MAML3: variants seen among roughly 807,000 people sequenced by gnomAD.
MAML3 encodes the protein mastermind like transcriptional coactivator 3, also known as mastermind-like protein 3.
In MAML3, 27 loss-of-function variants were observed where a neutral mutation model predicts 101.9. The ratio of observed to expected loss-of-function variants is 0.27; its 90% confidence interval spans 0.20 to 0.37. MAML3 has a LOEUF of 0.37. MAML3 is among the 10% of genes least tolerant of loss of function. MAML3 has a pLI of 1.00. For missense variants in MAML3, 1,316 were observed against 1,444.9 expected (o/e 0.91, Z 1.45); for synonymous variants, 501 against 555.9 (o/e 0.90, Z 1.39).
chr4:140,026,050 G>A (rs762590516), intron 1 of MAML3, among the ~76,000 whole-genome samples: 2 of 152,098 alleles, frequency 1.3e-5, no homozygotes, highest in African/African-American at 2.4e-5. Context: ...TATTCCAGGT[G>A]TGCTTAACAT....
intron 2 of MAML3, among the ~76,000 whole-genome samples, chr4:139,863,345 T>TG (rs1249223096): frequency 7.6e-6 from 1 of 131,910 alleles, no homozygotes; most frequent in Middle Eastern, 3.8e-3. Flanking sequence ...CCTGTGCCCT[T>TG]TTTTTTTTTT....
chr4:139,884,299 A>G (rs900279905), intron 2 of MAML3, among the ~76,000 whole-genome samples: 1 of 152,222 alleles, frequency 6.6e-6, no homozygotes, highest in African/African-American at 2.4e-5. Flanking sequence ...AATATACCAC[A>G]CAGGGCATTC....
At chr4:139,942,008 G>A (rs1202185911) in intron 1 of MAML3, among the ~76,000 whole-genome samples, 6 of 152,042 alleles carry the variant, frequency 3.9e-5, no homozygotes, top group Admixed American at 3.3e-4. Context: ...GGTGGCAGGC[G>A]CCTGTGATCC....
At chr4:139,931,660 T>TGC (rs1171477646) in intron 1 of MAML3, among the ~76,000 whole-genome samples, 1 of 152,054 alleles carries the variant, frequency 6.6e-6, no homozygotes, top group Non-Finnish European at 1.5e-5. Context: ...AATCCTCCTG[T>TGC]GCAGTCTCCT....
rs558838196 is a variant in MAML3, at chr4:139,889,885, A to G, written c.1551T>C (p.Asn517=). The change falls in exon 2 of 5, where the codon AAT becomes AAC. Residue 517 remains asparagine, a synonymous_variant. Transcript: ENST00000509479. The stretch of plus-strand genomic sequence containing the variant: ...TAGAGGGAGGTCCTAAGGGAGACCA[A>G]TTTGAAGTCTGATTTGAGTGCTGTT... ...QQQQHSNQTS[N]WSPLGPPSSP... The G allele has an allele frequency of 1.9e-5, 30 of 1,612,432 alleles. 2 individuals carry two copies. In the Middle Eastern group the frequency reaches 5.0e-4, roughly 27 times the overall value.
At chr4:139,915,693 C>CG (rs561494245) in intron 1 of MAML3, among the ~76,000 whole-genome samples, 86 of 151,978 alleles carry the variant, frequency 5.7e-4, no homozygotes, top group East Asian at 2.9e-3. Context: ...GCAGCATTGG[C>CG]GGGGGGGCGG....
intron 2 of MAML3, among the ~76,000 whole-genome samples, chr4:139,749,051 A>T (rs1324927315): frequency 6.6e-6 from 1 of 152,198 alleles, no homozygotes; most frequent in Non-Finnish European, 1.5e-5. Context: ...CCAACTAAAA[A>T]CAATCCAAAA....
chr4:140,119,012 TAGTA>T (rs1220544241), intron 1 of MAML3, among the ~76,000 whole-genome samples: 1 of 152,190 alleles, frequency 6.6e-6, no homozygotes, highest in Non-Finnish European at 1.5e-5. Context: ...AGGGGAATGG[TAGTA>T]AGCAGCAGCT....
At position 139,889,440 on chromosome 4, in the gene MAML3, C is replaced by G; in HGVS notation, c.1996G>C (p.Asp666His). The change falls in exon 2 of 5, where the codon GAC becomes CAC. Residue 666 changes from aspartate (D) to histidine (H), a missense_variant. Coordinates refer to ENST00000509479, the MANE Select transcript of MAML3 (RefSeq NM_018717.5). Reference protein sequence around the residue: ...LQAPRAHLSEDQKRLLLMKQK... With the variant: ...LQAPRAHLSEHQKRLLLMKQK... ...TTCATGAGAAGCAGGCGTTTCTGGT[C>G]TTCGCTCAGGTGTGCCCTGGGGGCC... The G allele has an allele frequency of 6.2e-7, 1 of 1,614,012 alleles. No homozygotes were observed. The highest frequency in any genetic ancestry group is 8.5e-7 in the Non-Finnish European group (1 of 1,179,908).
intron 2 of MAML3, among the ~76,000 whole-genome samples, chr4:139,808,520 A>G (rs376680410): frequency 6.6e-6 from 1 of 152,220 alleles, no homozygotes; most frequent in South Asian, 2.1e-4. Flanking sequence ...CAACTCCCAG[A>G]TCACAGGATG....
intron 1 of MAML3, among the ~76,000 whole-genome samples, chr4:140,151,049 G>C (rs1310440816): frequency 6.6e-6 from 1 of 152,120 alleles, no homozygotes; most frequent in Non-Finnish European, 1.5e-5. Context: ...CGATGAAGCG[G>C]GCAGGGCCAC....
intron 2 of MAML3, among the ~76,000 whole-genome samples, chr4:139,746,255 C>G (rs958979417): frequency 1.3e-5 from 2 of 152,100 alleles, no homozygotes; most frequent in African/African-American, 4.8e-5. Context: ...CCTTTTAAAT[C>G]TGAACTAGAG....
rs577764584 is a variant in MAML3, at chr4:139,725,790, G to A, written c.2377C>T (p.Arg793Trp). 8.1e-6 allele frequency: 13 copies of A among 1,613,938 alleles called. No individual in the cohort carries two copies. Among genetic ancestry groups the A allele is most frequent in the Non-Finnish European group, 1.1e-5 (13 of 1,179,856 alleles). The change falls in exon 4 of 5, where the codon CGG becomes TGG. Residue 793 changes from arginine to tryptophan, a missense_variant. Transcript: ENST00000509479. ...HLPRQHLQPQ[R>W]NPYPVQQVNQ... ...ACCTGCTGCACTGGGTATGGATTCC[G>A]CTGTGGCTGGAGGTGCTGCCGGGGT...
chr4:140,153,345 C>G lies in MAML3; in HGVS notation c.-18G>C. On this transcript the variant is annotated 5_prime_UTR_variant, in exon 1 of 5. Transcript: ENST00000509479. ...TCCCCCATCCTGCTCCCCGGGCACA[C>G]TATTTTGGAAGAACTTTTTTTATCC... is the stretch of plus-strand genomic sequence containing the variant. 1.3e-6 allele frequency: 2 copies of G among 1,553,220 alleles called. No homozygotes were observed. The highest frequency in any genetic ancestry group is 1.7e-6 in the Non-Finnish European group (2 of 1,151,378).
intron 2 of MAML3, among the ~76,000 whole-genome samples, chr4:139,819,590 T>C (rs1578616040): frequency 6.6e-6 from 1 of 152,296 alleles, no homozygotes; most frequent in South Asian, 2.1e-4. Flanking sequence ...TCTTGGGTAT[T>C]TTTTTCCAAT....
chr4:139,788,548 A>G (rs190689339), intron 2 of MAML3, among the ~76,000 whole-genome samples: 3 of 152,304 alleles, frequency 2.0e-5, no homozygotes, highest in East Asian at 1.9e-4. Flanking sequence ...AGTTACCAAT[A>G]AGAGTGTGGC....
intron 1 of MAML3, among the ~76,000 whole-genome samples, chr4:140,079,747 G>C (rs1398046538): frequency 6.6e-6 from 1 of 152,180 alleles, no homozygotes; most frequent in Non-Finnish European, 1.5e-5. Flanking sequence ...AATGACCCCA[G>C]ACCAAAGACT....
At chr4:139,746,991 T>C (rs1490649242) in intron 2 of MAML3, among the ~76,000 whole-genome samples, 1 of 152,154 alleles carries the variant, frequency 6.6e-6, no homozygotes, top group Non-Finnish European at 1.5e-5. Context: ...CTTTCCCTCA[T>C]GGCCCAAGGC....
intron 1 of MAML3, among the ~76,000 whole-genome samples, chr4:139,978,621 G>A (rs4989956): frequency 0.54 from 73,667 of 136,422 alleles, 21,873 homozygotes; most frequent in East Asian, 0.89. Context: ...CAAAAAAAAA[G>A]AGAGAGAGAG....
Sources: allele counts gnomAD v4.1 joint callset (sites outside exome capture counted in the v4.1 genomes callset), GRCh38; gene constraint gnomAD v4.1.1; transcripts MANE v1.5; gene names NCBI Gene and HGNC (gene_info 2026-07-23, HGNC 2026-07-21).